The following MINPP1 variants were observed in gnomAD, a reference collection of about 807,000 sequenced individuals.
MINPP1 encodes the protein multiple inositol-polyphosphate phosphatase 1, also known as multiple inositol polyphosphate phosphatase 1.
In MINPP1, 28 loss-of-function variants were observed where a neutral mutation model predicts 46.1. That is an observed-to-expected ratio of 0.61 (90% CI 0.45 to 0.83). The LOEUF is 0.83. MINPP1 is among the 40% of genes least tolerant of loss of function. MINPP1 has a pLI of 0.00. For missense variants in MINPP1, 603 were observed against 610.0 expected, an observed-to-expected ratio of 0.99 and a Z score of 0.12; for synonymous variants, 268 against 249.1, an observed-to-expected ratio of 1.08 and a Z score of -0.72.
intron 4 of MINPP1, among the ~76,000 whole-genome samples, chr10:87,534,142 T>G (rs1851700987): frequency 7.6e-6 from 1 of 131,978 alleles, no homozygotes; most frequent in South Asian, 2.6e-4. Context: ...AACCTCTACC[T>G]CCCAGGTTCA....
chr10:87,512,626 T>C (rs1851351825), intron 2 of MINPP1, among the ~76,000 whole-genome samples: 2 of 152,196 alleles, frequency 1.3e-5, no homozygotes. Context: ...CCCCCCTCCT[T>C]GAACCCTCTA....
At chr10:87,534,042 ATTTTTTTTTTTTTTTT>A (rs58579107) in intron 4 of MINPP1, among the ~76,000 whole-genome samples, 1 of 55,374 alleles carries the variant, frequency 1.8e-5, no homozygotes, top group Non-Finnish European at 3.2e-5. Flanking sequence ...CTGGCTAAAT[ATTTTTTTTTTTTTTTT>A]TTTTTTTTTT....
At chr10:87,523,011 G>A (rs988069673) in intron 4 of MINPP1, among the ~76,000 whole-genome samples, 5 of 152,188 alleles carry the variant, frequency 3.3e-5, no homozygotes, top group African/African-American at 1.2e-4. Flanking sequence ...TCCATAAGAA[G>A]CAACTCCTCA....
intron 4 of MINPP1, among the ~76,000 whole-genome samples, chr10:87,525,537 T>C (rs1487084516): frequency 1.3e-5 from 2 of 152,220 alleles, no homozygotes; most frequent in African/African-American, 4.8e-5. Flanking sequence ...TCATCTTATT[T>C]TCTTTTTTTC....
intron 4 of MINPP1, among the ~76,000 whole-genome samples, chr10:87,528,267 C>T (rs1851607189): frequency 6.6e-6 from 1 of 152,046 alleles, no homozygotes; most frequent in South Asian, 2.1e-4. Context: ...AATGTGTTTG[C>T]TCTTGTTTCT....
intron 3 of MINPP1, among the ~76,000 whole-genome samples, chr10:87,518,961 TC>T (rs1276513047): frequency 6.6e-6 from 1 of 152,094 alleles, no homozygotes; most frequent in Admixed American, 6.5e-5. Context: ...AAGTATTCCT[TC>T]CCCCCAGGAT....
intron 4 of MINPP1, among the ~76,000 whole-genome samples, chr10:87,525,643 C>T (rs140349753): frequency 0.013 from 2,026 of 152,234 alleles, 55 homozygotes; most frequent in African/African-American, 0.047. Context: ...GTGTGCTGCA[C>T]CCATTAACTC....
At chr10:87,512,614 A>T (rs1056938121) in intron 2 of MINPP1, among the ~76,000 whole-genome samples, 1 of 152,218 alleles carries the variant, frequency 6.6e-6, no homozygotes, top group African/African-American at 2.4e-5. Context: ...TTATAACCTT[A>T]GCCCCCCTCC....
At chr10:87,506,687 G>A (rs1309719953) in intron 1 of MINPP1, among the ~76,000 whole-genome samples, 1 of 152,172 alleles carries the variant, frequency 6.6e-6, no homozygotes, top group African/African-American at 2.4e-5. Context: ...ACAGAGATGA[G>A]CAAGCATTAA....
intron 4 of MINPP1, 125 bp downstream of exon 4, chr10:87,521,294 G>C: frequency 1.4e-6 from 1 of 710,010 alleles, no homozygotes; most frequent in South Asian, 1.8e-5. Flanking sequence ...TTAATATAAT[G>C]TGATACAAAA....
At chr10:87,509,555 T>C (rs1263069740) in intron 2 of MINPP1, among the ~76,000 whole-genome samples, 2 of 152,228 alleles carry the variant, frequency 1.3e-5, no homozygotes, top group African/African-American at 4.8e-5. Flanking sequence ...AAATTTTAAC[T>C]TTGTGCTTCA....
In MINPP1 at chr10:87,505,565, G is replaced by C; in HGVS notation, c.637+13G>C. 6.3e-7 allele frequency: 1 copy of C among 1,595,122 alleles called. No homozygotes were observed. The highest frequency in any genetic ancestry group is 8.5e-7 in the Non-Finnish European group (1 of 1,176,374). ...CCGGACGTCGCAGGTGACCCCCCGG[G>C]CGGCCCGTGTGCTGTCCCGGTCCTC... On this transcript the variant is annotated intron_variant, in intron 1 of 4. Coordinates refer to ENST00000371996, the MANE Select transcript of MINPP1 (RefSeq NM_004897.5). The surrounding 1 kb of genome is among the most constrained non-coding windows in gnomAD (Gnocchi z 4.4).
intron 4 of MINPP1, among the ~76,000 whole-genome samples, chr10:87,533,538 CT>C (rs1472141190): frequency 1.1e-4 from 16 of 152,228 alleles, no homozygotes; most frequent in African/African-American, 3.6e-4. Context: ...CCCCATATAT[CT>C]GTTAATATAA....
intron 4 of MINPP1, among the ~76,000 whole-genome samples, chr10:87,535,979 T>C (rs1239824586): frequency 6.6e-6 from 1 of 152,162 alleles, no homozygotes; most frequent in African/African-American, 2.4e-5. Flanking sequence ...GCTTTAGTTA[T>C]TTGTGTTAAT....
At chr10:87,550,354 A>G (rs1338429314) in intron 4 of MINPP1, among the ~76,000 whole-genome samples, 9 of 152,190 alleles carry the variant, frequency 5.9e-5, no homozygotes, top group Non-Finnish European at 1.3e-4. Flanking sequence ...TGACCTAATT[A>G]AAGTATACCA....
rs537804422 is a variant in MINPP1, at chr10:87,505,572, G to T, written c.637+20G>T. The T allele has an allele frequency of 1.9e-6, 3 of 1,589,332 alleles. No individual in the cohort carries two copies. Among genetic ancestry groups the T allele is most frequent in the Non-Finnish European group, 2.6e-6 (3 of 1,174,378 alleles). Reference sequence around the variant, plus strand: ...TCGCAGGTGACCCCCCGGGCGGCCCGTGTGCTGTCCCGGTCCTCCCACCCG... The same window carrying T: ...TCGCAGGTGACCCCCCGGGCGGCCCTTGTGCTGTCCCGGTCCTCCCACCCG... On this transcript the variant is annotated intron_variant, in intron 1 of 4. Transcript: ENST00000371996. The surrounding 1 kb of genome is among the most constrained non-coding windows in gnomAD (Gnocchi z 4.4).
intron 4 of MINPP1, chr10:87,546,508 A>C (rs775814011): frequency 6.6e-6 from 1 of 152,240 alleles, no homozygotes; most frequent in Non-Finnish European, 1.5e-5. Flanking sequence ...GAATTATCTC[A>C]ATCAGCTTTT....
intron 4 of MINPP1, among the ~76,000 whole-genome samples, chr10:87,542,097 A>G (rs1851823336): frequency 6.6e-6 from 1 of 152,110 alleles, no homozygotes; most frequent in Non-Finnish European, 1.5e-5. Flanking sequence ...GAAGTCTACA[A>G]AGTCTCATCT....
intron 3 of MINPP1, among the ~76,000 whole-genome samples, chr10:87,518,504 C>A (rs776959665): frequency 1.3e-5 from 2 of 152,008 alleles, no homozygotes; most frequent in Admixed American, 6.6e-5. Flanking sequence ...ACCACCATCA[C>A]AATCATCAAC....
Sources: allele counts gnomAD v4.1 joint callset (sites outside exome capture counted in the v4.1 genomes callset), GRCh38; gene constraint gnomAD v4.1.1; non-coding constraint Gnocchi (gnomAD v3.1); transcripts MANE v1.5; gene names NCBI Gene and HGNC (gene_info 2026-07-23, HGNC 2026-07-21).